The following MTUS2 variants were observed in gnomAD, a reference collection of about 807,000 sequenced individuals.
MTUS2 encodes the protein microtubule associated scaffold protein 2.
Under a neutral mutation model 114.1 loss-of-function variants are expected in MTUS2, and 40 were observed. That is an observed-to-expected ratio of 0.35 (90% CI 0.27 to 0.46). The LOEUF is 0.46. MTUS2 is among the 20% of genes least tolerant of loss of function. MTUS2 has a pLI of 1.00. For missense variants in MTUS2, 1,679 were observed against 1,705.4 expected, an observed-to-expected ratio of 0.98 and a Z score of 0.27; for synonymous variants, 688 against 672.0, an observed-to-expected ratio of 1.02 and a Z score of -0.37.
chr13:28,828,193 C>G (rs1396631434), intron 1 of MTUS2, among the ~76,000 whole-genome samples: 2 of 152,210 alleles, frequency 1.3e-5, no homozygotes, highest in African/African-American at 4.8e-5. Flanking sequence ...GATATTTCTC[C>G]TATTTGCTCT....
intron 5 of MTUS2, among the ~76,000 whole-genome samples, chr13:29,114,402 C>T (rs1176646182): frequency 6.6e-6 from 1 of 152,084 alleles, no homozygotes; most frequent in Non-Finnish European, 1.5e-5. Flanking sequence ...ATAAATCATC[C>T]ATTGTGATCA....
intron 5 of MTUS2, among the ~76,000 whole-genome samples, chr13:29,125,455 G>A (rs996981012): frequency 1.3e-4 from 20 of 152,234 alleles, no homozygotes; most frequent in Non-Finnish European, 1.9e-4. Flanking sequence ...CATTAATTTC[G>A]TATCTCCTAA....
intron 4 of MTUS2, among the ~76,000 whole-genome samples, chr13:29,049,097 T>TTAC (rs1887769285): frequency 6.6e-6 from 1 of 152,208 alleles, no homozygotes; most frequent in African/African-American, 2.4e-5. Flanking sequence ...TATTGTCAGG[T>TTAC]TACTATTCAG....
intron 4 of MTUS2, among the ~76,000 whole-genome samples, chr13:29,047,894 G>A (rs1318413309): frequency 6.6e-6 from 1 of 152,114 alleles, no homozygotes; most frequent in Non-Finnish European, 1.5e-5. Context: ...AACTCTGGAA[G>A]TTTCATATAA....
rs186791077 is a variant in MTUS2 at position 29,310,075 on chromosome 13, C to T, written c.2807-14538C>T. Among the ~76,000 whole-genome samples the T allele has an allele frequency of 2.2e-4, 33 of 152,230 alleles. No individual in the cohort carries two copies. In the East Asian group the frequency reaches 5.4e-3, roughly 25 times the overall value. On this transcript the variant is annotated intron_variant, in intron 6 of 15. Coordinates refer to ENST00000612955, the MANE Select transcript of MTUS2 (RefSeq NM_001033602.4). ...TCCCCAATTGCCTGCAACCCCACTA[C>T]CCTTCCCAGCCTCTGGTAACCTTCA...
chr13:29,151,997 T>C (rs1204572249), intron 5 of MTUS2, among the ~76,000 whole-genome samples: 1 of 152,146 alleles, frequency 6.6e-6, no homozygotes, highest in East Asian at 1.9e-4. Flanking sequence ...TTTTCTTTTA[T>C]TGTTGTGTCT....
rs543509269 is a variant in MTUS2, at chr13:29,045,719, T to G, written c.2446+11594T>G. Among the ~76,000 whole-genome samples the G allele has an allele frequency of 2.6e-5, 4 of 152,260 alleles. No individual in the cohort carries two copies. In the East Asian group the frequency reaches 7.7e-4, roughly 29 times the overall value. On this transcript the variant is annotated intron_variant, in intron 4 of 15. Coordinates refer to ENST00000612955, the MANE Select transcript of MTUS2 (RefSeq NM_001033602.4). ...GATGATGATGCTTCTTTTTTCAGAT[T>G]ACTGAATATCAAAGAAAATCAACTG... is the stretch of plus-strand genomic sequence containing the variant.
chr13:29,114,317 A>T (rs908717890), intron 5 of MTUS2, among the ~76,000 whole-genome samples: 2 of 152,126 alleles, frequency 1.3e-5, no homozygotes, highest in African/African-American at 4.8e-5. Context: ...AAGACCATAG[A>T]TGCTGTCTTT....
intron 8 of MTUS2, among the ~76,000 whole-genome samples, chr13:29,409,796 T>C (rs1166003429): frequency 6.9e-6 from 1 of 144,452 alleles, no homozygotes; most frequent in Non-Finnish European, 1.6e-5. Flanking sequence ...TCTTCATTCG[T>C]CTTTTTTTTT....
chr13:29,165,642 G>A (rs1365812001), intron 5 of MTUS2, among the ~76,000 whole-genome samples: 1 of 152,164 alleles, frequency 6.6e-6, no homozygotes, highest in African/African-American at 2.4e-5. Context: ...TCAAATAAGG[G>A]TTTTATGTTT....
At chr13:28,878,003 G>T (rs1242093712) in intron 2 of MTUS2, among the ~76,000 whole-genome samples, 3 of 152,108 alleles carry the variant, frequency 2.0e-5, no homozygotes, top group Admixed American at 1.3e-4. Context: ...CAGGGCATGG[G>T]CTGAGGTATT....
chr13:28,853,408 A>C (rs1876423922), intron 2 of MTUS2, among the ~76,000 whole-genome samples: 1 of 146,432 alleles, frequency 6.8e-6, no homozygotes, highest in Non-Finnish European at 1.5e-5. Flanking sequence ...AGGCTCCTAA[A>C]ATTCTGCTGG....
chr13:29,450,556 G>A (rs992807217), intron 9 of MTUS2, among the ~76,000 whole-genome samples: 1 of 152,074 alleles, frequency 6.6e-6, no homozygotes, highest in African/African-American at 2.4e-5. Flanking sequence ...AAAAAATAAC[G>A]AACCTTGGGA....
chr13:29,427,783 T>C (rs1221301415), intron 8 of MTUS2, among the ~76,000 whole-genome samples: 1 of 152,248 alleles, frequency 6.6e-6, no homozygotes, highest in East Asian at 1.9e-4. Flanking sequence ...ACTGTAATTG[T>C]GTATTTCTAA....
chr13:29,402,257 G>T (rs1009446876), intron 8 of MTUS2, among the ~76,000 whole-genome samples: 2 of 152,034 alleles, frequency 1.3e-5, no homozygotes, highest in African/African-American at 4.8e-5. Context: ...CTACAAATTT[G>T]ACCAGCAGTT....
rs1256351753 is a variant in MTUS2 at position 29,194,640 on chromosome 13, G to A, written c.2645-87064G>A. ...GGAGAAATAGGAACACTTTTACACT[G>A]TTGGTGGGACTGTAAACTAGTTCAA... On this transcript the variant is annotated intron_variant, in intron 5 of 15. Coordinates refer to ENST00000612955, the MANE Select transcript of MTUS2 (RefSeq NM_001033602.4). Among the ~76,000 whole-genome samples the A allele has an allele frequency of 1.2e-3, 179 of 148,682 alleles. 1 individual carries two copies. Among genetic ancestry groups the A allele is most frequent in the African/African-American group, 3.8e-3 (153 of 40,748 alleles).
intron 9 of MTUS2, among the ~76,000 whole-genome samples, chr13:29,448,617 C>T (rs1049942936): frequency 5.3e-5 from 8 of 152,122 alleles, no homozygotes; most frequent in Admixed American, 2.0e-4. Context: ...CCTCTGTTCT[C>T]GGTGTCCCCA....
intron 10 of MTUS2, chr13:29,483,919 TC>T (rs925544129): frequency 1.3e-5 from 2 of 152,218 alleles, no homozygotes; most frequent in Non-Finnish European, 2.9e-5. Flanking sequence ...AGCCCTAGTT[TC>T]TGGGCTGCCT....
chr13:29,397,525 A>G (rs539600513), intron 8 of MTUS2, among the ~76,000 whole-genome samples: 49 of 152,292 alleles, frequency 3.2e-4, no homozygotes, highest in African/African-American at 1.2e-3. Context: ...CTCAGGCCCC[A>G]TCCTAGGCCC....
Sources: gnomAD v4.1 joint callset for allele counts (sites outside exome capture counted in the v4.1 genomes callset) on GRCh38, gnomAD v4.1.1 for gene constraint, MANE v1.5 for transcripts, NCBI Gene and HGNC (gene_info 2026-07-23, HGNC 2026-07-21) for gene names.